KCTD16: variants seen among roughly 807,000 people sequenced by gnomAD.
KCTD16 encodes potassium channel tetramerization domain containing 16.
Under a neutral mutation model 33.2 loss-of-function variants are expected in KCTD16, and 13 were observed. That is an observed-to-expected ratio of 0.39 (90% CI 0.25 to 0.62). The LOEUF (loss-of-function observed/expected upper bound fraction) is 0.62. KCTD16 is among the 20% of genes least tolerant of loss of function. The probability of loss-of-function intolerance (pLI) is 0.50; values close to 1 mark genes in which losing one functional copy is unlikely to be tolerated. For synonymous variants in KCTD16, 197 were observed against 195.3 expected (o/e 1.01, Z -0.07); for missense variants, 441 against 525.1 (o/e 0.84, Z 1.57).
intron 3 of KCTD16, among the ~76,000 whole-genome samples, chr5:144,425,076 C>T (rs1234945818): frequency 6.6e-6 from 1 of 152,070 alleles, no homozygotes; most frequent in Non-Finnish European, 1.5e-5. Flanking sequence ...CATGATTCAT[C>T]CTGAGGCAAA....
chr5:144,355,220 T>C (rs569722248), intron 3 of KCTD16, among the ~76,000 whole-genome samples: 1 of 152,312 alleles, frequency 6.6e-6, no homozygotes, highest in South Asian at 2.1e-4. Flanking sequence ...CAACCTTTTT[T>C]TTTGAGATTT....
intron 3 of KCTD16, among the ~76,000 whole-genome samples, chr5:144,329,525 A>C (rs1319713599): frequency 6.6e-6 from 1 of 152,208 alleles, no homozygotes; most frequent in South Asian, 2.1e-4. Flanking sequence ...GTGACACTGC[A>C]ATCAATGAAA....
intron 3 of KCTD16, among the ~76,000 whole-genome samples, chr5:144,248,951 G>A (rs1754623645): frequency 6.6e-6 from 1 of 152,074 alleles, no homozygotes; most frequent in African/African-American, 2.4e-5. Flanking sequence ...ATATAACAAA[G>A]ACTCTGCCTC....
At chr5:144,171,435 A>C (rs963271856) in intron 1 of KCTD16, among the ~76,000 whole-genome samples, 5 of 152,190 alleles carry the variant, frequency 3.3e-5, no homozygotes, top group Admixed American at 2.6e-4. Context: ...CTGAGGAAAG[A>C]TGAAAATCGA....
At position 144,481,250 on chromosome 5, in the gene KCTD16, A is replaced by C. The variant is rs1754698937; in HGVS notation, c.*7136A>C. ...CCCAAGCTGATCAACAGTAGACCAC[A>C]AAGTGCTCTCAGAAATGAAACTAGT... is the stretch of plus-strand genomic sequence containing the variant. On this transcript the variant is annotated 3_prime_UTR_variant, in exon 4 of 4. Transcript: ENST00000512467. 1 of 152,018 alleles carries C rather than the reference A, an allele frequency of 6.6e-6. No homozygotes were observed. Among genetic ancestry groups the C allele is most frequent in the South Asian group, 2.1e-4 (1 of 4,836 alleles). The allele number at this position is 152,018 out of a possible 1,614,324, so 9.4% of individuals were successfully genotyped here.
chr5:144,280,404 G>A (rs1267812203), intron 3 of KCTD16, among the ~76,000 whole-genome samples: 2 of 151,898 alleles, frequency 1.3e-5, no homozygotes, highest in South Asian at 4.2e-4. Flanking sequence ...GTAAGTTTTG[G>A]CAGTGTATCT....
chr5:144,208,473 C>A (rs904492022), intron 3 of KCTD16, among the ~76,000 whole-genome samples: 1 of 152,204 alleles, frequency 6.6e-6, no homozygotes, highest in African/African-American at 2.4e-5. Context: ...AGCCTGCACT[C>A]TTTGGTACTT....
chr5:144,433,133 C>A (rs1439059711), intron 3 of KCTD16, among the ~76,000 whole-genome samples: 1 of 152,096 alleles, frequency 6.6e-6, no homozygotes, highest in Non-Finnish European at 1.5e-5. Flanking sequence ...ACCGAAATAC[C>A]TACAGAAGCC....
chr5:144,301,386 T>A (rs1751434568), intron 3 of KCTD16, among the ~76,000 whole-genome samples: 1 of 151,784 alleles, frequency 6.6e-6, no homozygotes, highest in African/African-American at 2.4e-5. Context: ...AGACCAGAGG[T>A]AAGAAGAAAA....
chr5:144,200,671 T>C (rs933112222), intron 2 of KCTD16, among the ~76,000 whole-genome samples: 1 of 152,220 alleles, frequency 6.6e-6, no homozygotes, highest in South Asian at 2.1e-4. Flanking sequence ...GTGAACTATG[T>C]AACACCAAAG....
intron 3 of KCTD16, among the ~76,000 whole-genome samples, chr5:144,286,638 T>G (rs542920191): frequency 7.2e-5 from 11 of 152,208 alleles, no homozygotes; most frequent in South Asian, 2.1e-4. Flanking sequence ...TTATTGACAT[T>G]CTGCATTGTA....
intron 3 of KCTD16, among the ~76,000 whole-genome samples, chr5:144,430,852 T>C (rs951482707): frequency 3.3e-5 from 5 of 152,162 alleles, no homozygotes; most frequent in African/African-American, 1.2e-4. Context: ...GGAATGAGTT[T>C]TCTGCACATT....
At chr5:144,173,088 A>G (rs1185935195) in intron 1 of KCTD16, among the ~76,000 whole-genome samples, 3 of 152,246 alleles carry the variant, frequency 2.0e-5, no homozygotes, top group African/African-American at 7.2e-5. Flanking sequence ...TCAAAGACCT[A>G]AAGACAGAAA....
intron 3 of KCTD16, among the ~76,000 whole-genome samples, chr5:144,323,922 G>C (rs1287273523): frequency 6.6e-6 from 1 of 152,086 alleles, no homozygotes; most frequent in African/African-American, 2.4e-5. Flanking sequence ...TTTTACAATT[G>C]CATCTTCATG....
At chr5:144,181,519 C>G (rs988908618) in intron 2 of KCTD16, among the ~76,000 whole-genome samples, 11 of 152,096 alleles carry the variant, frequency 7.2e-5, no homozygotes, top group African/African-American at 2.7e-4. Flanking sequence ...TGGAAACAAC[C>G]TAAATGTCCA....
At chr5:144,333,341 T>C (rs1262820345) in intron 3 of KCTD16, among the ~76,000 whole-genome samples, 1 of 152,174 alleles carries the variant, frequency 6.6e-6, no homozygotes, top group Non-Finnish European at 1.5e-5. Context: ...AAATAATATA[T>C]GTTTTTGACA....
chr5:144,434,521 G>C, intron 3 of KCTD16, among the ~76,000 whole-genome samples: 1 of 151,970 alleles, frequency 6.6e-6, no homozygotes, highest in East Asian at 1.9e-4. Context: ...AGGCTCCATT[G>C]GTTCTGTGCT....
chr5:144,469,315 C>A (rs1355283105), intron 3 of KCTD16, among the ~76,000 whole-genome samples: 1 of 152,172 alleles, frequency 6.6e-6, no homozygotes, highest in Non-Finnish European at 1.5e-5. Context: ...CACTCACTCA[C>A]CATTCCTGTG....
chr5:144,400,322 G>C (rs1054605487), intron 3 of KCTD16, among the ~76,000 whole-genome samples: 1 of 152,118 alleles, frequency 6.6e-6, no homozygotes, highest in African/African-American at 2.4e-5. Context: ...GAGGAATCCA[G>C]AGCCTGAGAG....
Sources: allele counts gnomAD v4.1 joint callset (sites outside exome capture counted in the v4.1 genomes callset), GRCh38; gene constraint gnomAD v4.1.1; transcripts MANE v1.5; gene names NCBI Gene and HGNC (gene_info 2026-07-23, HGNC 2026-07-21).